The following RERG variants were observed in gnomAD, a reference collection of about 807,000 sequenced individuals.
RERG encodes RAS like estrogen regulated growth inhibitor, also known as ras-related and estrogen-regulated growth inhibitor.
Under a neutral mutation model 23.2 loss-of-function variants are expected in RERG, and 25 were observed. That is an observed-to-expected ratio of 1.08 (90% confidence interval 0.79 to 1.50). The LOEUF (loss-of-function observed/expected upper bound fraction) is 1.50. Ranked by LOEUF, RERG falls within the 40% of genes most tolerant of loss-of-function variation. The pLI is 0.00. For synonymous variants in RERG, 81 were observed against 89.1 expected (o/e 0.91, Z 0.51); for missense variants, 253 against 250.1 (o/e 1.01, Z -0.08).
At chr12:15,154,167 C>T (rs1333238612) in intron 2 of RERG, 5 of 152,198 alleles carry the variant, frequency 3.3e-5, no homozygotes, top group African/African-American at 9.7e-5. Context: ...GCTTGTGGTA[C>T]TTTGTTGAGG....
chr12:15,116,477 G>A (rs1863723531), intron 3 of RERG, among the ~76,000 whole-genome samples: 1 of 152,186 alleles, frequency 6.6e-6, no homozygotes, highest in African/African-American at 2.4e-5. Context: ...AAAATTATAT[G>A]AAGTTGTGTG....
chr12:15,145,298 G>A (rs1864312800), intron 2 of RERG, among the ~76,000 whole-genome samples: 1 of 152,206 alleles, frequency 6.6e-6, no homozygotes. Flanking sequence ...CTGAGCCAGT[G>A]ACCTGGAATT....
At chr12:15,176,681 TG>T (rs1446442299) in intron 2 of RERG, among the ~76,000 whole-genome samples, 1 of 152,162 alleles carries the variant, frequency 6.6e-6, no homozygotes, top group Non-Finnish European at 1.5e-5. Flanking sequence ...TTTGGGGACT[TG>T]GGTCCAGTGA....
intron 2 of RERG, among the ~76,000 whole-genome samples, chr12:15,166,493 A>G (rs1348803634): frequency 5.5e-5 from 8 of 145,338 alleles, no homozygotes; most frequent in Admixed American, 2.9e-4. Context: ...GATGATGATG[A>G]TGATGATGGG....
chr12:15,145,875 A>G (rs1443938279), intron 2 of RERG, among the ~76,000 whole-genome samples: 2 of 152,230 alleles, frequency 1.3e-5, no homozygotes, highest in African/African-American at 4.8e-5. Context: ...ATTAAGATAG[A>G]AATTAGTTCA....
At chr12:15,166,503 GGATGGTGGT>G (rs1188931901) in intron 2 of RERG, among the ~76,000 whole-genome samples, 1,508 of 134,186 alleles carry the variant, frequency 0.011, 24 homozygotes, top group African/African-American at 0.036. Context: ...ATGATGATGG[GGATGGTGGT>G]GATGGTGGTG....
intron 2 of RERG, among the ~76,000 whole-genome samples, chr12:15,202,557 T>C (rs926962925): frequency 4.6e-5 from 7 of 151,986 alleles, no homozygotes; most frequent in African/African-American, 1.4e-4. Flanking sequence ...TTTGTCCTTC[T>C]GTGGCTGACT....
chr12:15,113,666 AC>A (rs1863665536), intron 3 of RERG, among the ~76,000 whole-genome samples: 1 of 151,872 alleles, frequency 6.6e-6, no homozygotes, highest in South Asian at 2.1e-4. Context: ...ACCATTCAAA[AC>A]CCTCCAAAAA....
intron 2 of RERG, among the ~76,000 whole-genome samples, chr12:15,154,628 C>T (rs530694429): frequency 6.6e-6 from 1 of 152,228 alleles, no homozygotes; most frequent in African/African-American, 2.4e-5. Context: ...CCGCTGATGG[C>T]CAAAGAACAT....
intron 2 of RERG, among the ~76,000 whole-genome samples, chr12:15,135,708 A>G (rs1864133641): frequency 7.8e-6 from 1 of 128,794 alleles, no homozygotes. Flanking sequence ...TAAATTAGTT[A>G]ATTTTTGAAT....
At chr12:15,175,538 A>C (rs541295667) in intron 2 of RERG, among the ~76,000 whole-genome samples, 5 of 152,136 alleles carry the variant, frequency 3.3e-5, no homozygotes, top group African/African-American at 1.2e-4. Flanking sequence ...CTTGCATGTA[A>C]GTGCAGCCAT....
At chr12:15,124,792 T>C (rs951316411) in intron 2 of RERG, among the ~76,000 whole-genome samples, 1 of 151,956 alleles carries the variant, frequency 6.6e-6, no homozygotes, top group African/African-American at 2.4e-5. Flanking sequence ...GTTGATTGCA[T>C]TGGAAAAATG....
intron 2 of RERG, among the ~76,000 whole-genome samples, chr12:15,205,031 G>T (rs1865264765): frequency 6.6e-6 from 1 of 151,742 alleles, no homozygotes; most frequent in Non-Finnish European, 1.5e-5. Flanking sequence ...TCATTGAGGG[G>T]AATTAGGTGT....
chr12:15,181,252 A>G (rs1206204060), intron 2 of RERG, among the ~76,000 whole-genome samples: 1 of 152,230 alleles, frequency 6.6e-6, no homozygotes. Flanking sequence ...AACAGCCAGC[A>G]AGCTAGTCTT....
intron 2 of RERG, among the ~76,000 whole-genome samples, chr12:15,153,476 GGA>G (rs1043546428): frequency 2.0e-5 from 3 of 152,026 alleles, no homozygotes; most frequent in African/African-American, 4.8e-5. Flanking sequence ...GCTTAAAGTG[GGA>G]GAGTCTAGTA....
chr12:15,114,349 T>C lies in RERG; in HGVS notation c.119-2932A>G, dbSNP rs568224189. 1.5e-3 allele frequency among the ~76,000 whole-genome samples: 230 copies of C among 152,202 alleles called. 1 individual carries two copies. The highest frequency in any genetic ancestry group is 5.4e-3 in the African/African-American group (224 of 41,550). ...TATTTGAAACATGATAAGCAAAAAG[T>C]TGATTAATATCTAAAGTATGAAAGA... On this transcript the variant is annotated intron_variant, in intron 3 of 4. Transcript: ENST00000256953.
chr12:15,142,428 A>G (rs1326495576), intron 2 of RERG, among the ~76,000 whole-genome samples: 4 of 152,184 alleles, frequency 2.6e-5, no homozygotes, highest in Non-Finnish European at 5.9e-5. Context: ...AGTATTTTAT[A>G]GGAAAATTTC....
At chr12:15,150,686 G>A (rs1864426074) in intron 2 of RERG, among the ~76,000 whole-genome samples, 1 of 152,146 alleles carries the variant, frequency 6.6e-6, no homozygotes, top group Admixed American at 6.5e-5. Flanking sequence ...AGATCTCTCA[G>A]CTATTAGGTG....
intron 2 of RERG, among the ~76,000 whole-genome samples, chr12:15,163,555 T>C (rs968384396): frequency 7.2e-5 from 11 of 152,128 alleles, no homozygotes; most frequent in Non-Finnish European, 1.3e-4. Flanking sequence ...TGAGAGTGTA[T>C]CATAGGGTCT....
Sources: gnomAD v4.1 joint callset for allele counts (sites outside exome capture counted in the v4.1 genomes callset) on GRCh38, gnomAD v4.1.1 for gene constraint, MANE v1.5 for transcripts, NCBI Gene and HGNC (gene_info 2026-07-23, HGNC 2026-07-21) for gene names.